Variants in CHN1 observed in about 807,000 individuals in gnomAD.
The protein encoded by CHN1 is N-chimaerin.
CHN1 carries 37 observed loss-of-function variants against 59.5 expected under a neutral mutation model. The ratio of observed to expected loss-of-function variants is 0.62; its 90% CI spans 0.48 to 0.82. The LOEUF (loss-of-function observed/expected upper bound fraction) is 0.82. Among genes scored for constraint, CHN1 ranks in the 40% least tolerant of loss-of-function variants. The pLI is 0.00. For synonymous variants in CHN1, 206 were observed against 200.4 expected (o/e 1.03, Z -0.24); for missense variants, 469 against 571.0 (o/e 0.82, Z 1.82).
At chr2:174,967,988 G>T (rs889518840) in intron 1 of CHN1, among the ~76,000 whole-genome samples, 1 of 152,062 alleles carries the variant, frequency 6.6e-6, no homozygotes, top group Non-Finnish European at 1.5e-5. Context: ...TCTGCAATGC[G>T]GATTCACAGG....
chr2:174,871,035 T>C lies in CHN1; in HGVS notation c.549+6805A>G, dbSNP rs535381021. On this transcript the variant is annotated intron_variant, in intron 6 of 12. Coordinates refer to ENST00000409900, the MANE Select transcript of CHN1 (RefSeq NM_001822.7). ...AATTACTGATCTTTTCTGTGGGTGA[T>C]AAGATGGAAGGATGGATGAGATTCA... 2.6e-5 allele frequency among the ~76,000 whole-genome samples: 4 copies of C among 152,184 alleles called. 1 individual carries two copies. Among genetic ancestry groups the C allele is most frequent in the African/African-American group, 9.6e-5 (4 of 41,546 alleles).
At chr2:174,843,928 GA>G (rs1234593478) in intron 7 of CHN1, among the ~76,000 whole-genome samples, 3 of 151,828 alleles carry the variant, frequency 2.0e-5, no homozygotes, top group African/African-American at 4.8e-5. Flanking sequence ...AAGGGTGCCT[GA>G]GTTTTATTTT....
intron 3 of CHN1, chr2:174,921,073 T>G (rs974409024): frequency 2.6e-5 from 10 of 391,338 alleles, no homozygotes; most frequent in African/African-American, 2.0e-4. Context: ...CAGGCAATAA[T>G]GTGGGCAATG....
chr2:174,935,316 G>T (rs537419690), intron 3 of CHN1, among the ~76,000 whole-genome samples: 2 of 152,226 alleles, frequency 1.3e-5, no homozygotes, highest in Non-Finnish European at 2.9e-5. Context: ...GGGCCTGGCA[G>T]ATGGTAGCCC....
At chr2:174,954,910 C>T (rs1338793068) in intron 1 of CHN1, among the ~76,000 whole-genome samples, 1 of 151,918 alleles carries the variant, frequency 6.6e-6, no homozygotes, top group Non-Finnish European at 1.5e-5. Context: ...AGTAGATCTA[C>T]CATTTGATCC....
chr2:174,888,632 G>A (rs187635465), intron 5 of CHN1, among the ~76,000 whole-genome samples: 1 of 152,174 alleles, frequency 6.6e-6, no homozygotes, highest in Non-Finnish European at 1.5e-5. Context: ...AAGCCCAGAA[G>A]GAGGTGCATT....
At chr2:174,876,285 A>G (rs190619708) in intron 6 of CHN1, among the ~76,000 whole-genome samples, 35 of 152,358 alleles carry the variant, frequency 2.3e-4, no homozygotes, top group South Asian at 6.2e-4. Flanking sequence ...GAATGCATTA[A>G]CAAAGGTTTT....
chr2:174,952,914 G>A (rs1690068605), intron 1 of CHN1, among the ~76,000 whole-genome samples: 1 of 152,202 alleles, frequency 6.6e-6, no homozygotes, highest in Non-Finnish European at 1.5e-5. Flanking sequence ...CATGACGGAC[G>A]TGGAGTTATC....
At chr2:174,859,581 T>G (rs1687010309) in intron 6 of CHN1, among the ~76,000 whole-genome samples, 1 of 152,228 alleles carries the variant, frequency 6.6e-6, no homozygotes. Flanking sequence ...CACTTAGAGC[T>G]TTACATTCCA....
At chr2:174,887,568 T>C (rs1309399596) in intron 5 of CHN1, among the ~76,000 whole-genome samples, 1 of 152,122 alleles carries the variant, frequency 6.6e-6, no homozygotes, top group Non-Finnish European at 1.5e-5. Flanking sequence ...CCTAAAGTCA[T>C]ATAGAAAATG....
chr2:174,906,311 A>G (rs986719748), intron 5 of CHN1, among the ~76,000 whole-genome samples: 3 of 152,182 alleles, frequency 2.0e-5, no homozygotes, highest in African/African-American at 4.8e-5. Flanking sequence ...ATGCCACAAC[A>G]TGGATAAACC....
At chr2:174,895,196 G>GTA (rs200124327) in intron 5 of CHN1, among the ~76,000 whole-genome samples, 36,745 of 135,488 alleles carry the variant, frequency 0.27, 5,593 homozygotes, top group Admixed American at 0.34. Context: ...ATGTGTGTGT[G>GTA]TGTATATATA....
chr2:174,838,526 G>T (rs1186177883), intron 7 of CHN1, among the ~76,000 whole-genome samples: 1 of 152,148 alleles, frequency 6.6e-6, no homozygotes, highest in Non-Finnish European at 1.5e-5. Context: ...ATTACATATG[G>T]TATTTCTCCT....
intron 11 of CHN1, among the ~76,000 whole-genome samples, chr2:174,807,842 C>T (rs1304231349): frequency 6.6e-6 from 1 of 151,944 alleles, no homozygotes; most frequent in African/African-American, 2.4e-5. Context: ...AGTCAAAAAG[C>T]AAATTAGTGT....
rs886055153 is a variant in CHN1, at chr2:174,799,508, T to C, written c.*608A>G. ...ACAGAAAATGCTGTGTTGTACACTT[T>C]TTATTGGTATGGATAACCTTTATTA... On this transcript the variant is annotated 3_prime_UTR_variant, in exon 13 of 13. Coordinates refer to ENST00000409900, the MANE Select transcript of CHN1 (RefSeq NM_001822.7). 3.5e-5 allele frequency: 18 copies of C among 515,616 alleles called. No homozygotes were observed. Among genetic ancestry groups the C allele is most frequent in the Non-Finnish European group, 6.8e-5 (18 of 264,836 alleles). The allele number at this position is 515,616 out of a possible 1,614,324, so 31.9% of individuals were successfully genotyped here.
chr2:174,820,570 C>A (rs940053679), intron 8 of CHN1, among the ~76,000 whole-genome samples: 2 of 152,182 alleles, frequency 1.3e-5, no homozygotes, highest in Non-Finnish European at 2.9e-5. Flanking sequence ...GGAAGGGTGA[C>A]TTTGGTGGGT....
At chr2:174,881,507 T>C (rs895776394) in intron 5 of CHN1, among the ~76,000 whole-genome samples, 1 of 152,154 alleles carries the variant, frequency 6.6e-6, no homozygotes, top group Non-Finnish European at 1.5e-5. Flanking sequence ...GAGGATTACA[T>C]GAAGATATTT....
chr2:174,959,701 G>A (rs1370093395), intron 1 of CHN1, among the ~76,000 whole-genome samples: 1 of 152,172 alleles, frequency 6.6e-6, no homozygotes, highest in Non-Finnish European at 1.5e-5. Flanking sequence ...TGAAACTGGT[G>A]ATCTAAGGTC....
intron 5 of CHN1, among the ~76,000 whole-genome samples, chr2:174,909,543 G>A (rs1009853816): frequency 2.6e-5 from 4 of 152,168 alleles, no homozygotes; most frequent in African/African-American, 9.7e-5. Flanking sequence ...CTCTCCTGCT[G>A]GGCATAAACA....
Sources: gnomAD v4.1 joint callset for allele counts (sites outside exome capture counted in the v4.1 genomes callset) on GRCh38, gnomAD v4.1.1 for gene constraint, MANE v1.5 for transcripts, NCBI Gene and HGNC (gene_info 2026-07-23, HGNC 2026-07-21) for gene names.